UBR3: variants seen among roughly 807,000 people sequenced by gnomAD.
The protein encoded by UBR3 is E3 ubiquitin-protein ligase UBR3.
UBR3 carries 85 observed loss-of-function variants against 243.2 expected under a neutral mutation model. The ratio of observed to expected loss-of-function variants is 0.35; its 90% CI spans 0.29 to 0.42. The LOEUF (loss-of-function observed/expected upper bound fraction) is 0.42, where lower values mean the gene tolerates loss of function less well. UBR3 is among the 10% of genes least tolerant of loss of function. UBR3 has a pLI of 1.00. For missense variants in UBR3, 1,686 were observed against 2,300.8 expected (o/e 0.73, Z 5.47); for synonymous variants, 748 against 799.8 (o/e 0.94, Z 1.09).
rs968277655 is a variant in UBR3, at chr2:170,080,374, C to T, written c.5410-171C>T. On this transcript the variant is annotated intron_variant, in intron 37 of 38. Coordinates refer to ENST00000272793, the MANE Select transcript of UBR3 (RefSeq NM_172070.4). ...TTACTAGATATTCCTTACCCAAATA[C>T]CTCCTAATGTATTAATAATAAAGTG... 2.2e-5 allele frequency: 17 copies of T among 772,596 alleles called. No homozygotes were observed. The East Asian group carries it at 4.5e-4, about 20-fold the overall frequency. The allele number at this position is 772,596 out of a possible 1,614,324, so 47.9% of individuals were successfully genotyped here. A position where few individuals can be genotyped will look rare whatever the true frequency, so the allele number is the denominator to read the frequency against.
intron 31 of UBR3, among the ~76,000 whole-genome samples, chr2:170,040,606 A>G (rs554997460): frequency 9.2e-5 from 14 of 152,334 alleles, no homozygotes; most frequent in Non-Finnish European, 1.6e-4. Flanking sequence ...GTAATCTAAG[A>G]TCAGAAACAC....
In UBR3 at chr2:169,890,565, G is replaced by A. The variant is rs6759286; in HGVS notation, c.1039-600G>A. Among the ~76,000 whole-genome samples the A allele has an allele frequency of 5.8e-3, 411 of 70,598 alleles. 11 individuals are homozygous for A. Among genetic ancestry groups the A allele is most frequent in the Middle Eastern group, 0.013 (2 of 150 alleles). The allele number at this position is 70,598 out of a possible 152,430, so 46.3% of individuals were successfully genotyped here. A position where few individuals can be genotyped will look rare whatever the true frequency, so the allele number is the denominator to read the frequency against. On this transcript the variant is annotated intron_variant, in intron 5 of 38. Transcript: ENST00000272793. ...GATATATATATATATATATATATAT[G>A]TGTATATATATATATGTATATATAT... is the stretch of plus-strand genomic sequence containing the variant.
intron 5 of UBR3, 33 bp downstream of exon 5, chr2:169,878,607 T>C (rs1194010803): frequency 2.6e-6 from 4 of 1,526,260 alleles, no homozygotes; most frequent in Admixed American, 4.0e-5. Context: ...TTTTAAAAAG[T>C]ACAATTTTGT....
At chr2:169,861,226 G>A (rs575985619) in intron 1 of UBR3, among the ~76,000 whole-genome samples, 1 of 152,266 alleles carries the variant, frequency 6.6e-6, no homozygotes, top group Admixed American at 6.5e-5. Flanking sequence ...ACAATACTTC[G>A]TATCCAATCA....
intron 7 of UBR3, 72 bp downstream of exon 7, chr2:169,895,383 TG>T: frequency 6.9e-7 from 1 of 1,450,758 alleles, no homozygotes; most frequent in East Asian, 2.6e-5. Flanking sequence ...AATCTTTTTT[TG>T]ATATATTTCT....
At chr2:169,994,163 T>G (rs1354921644) in intron 25 of UBR3, among the ~76,000 whole-genome samples, 160 bp from the exon 26 acceptor site, 1 of 152,228 alleles carries the variant, frequency 6.6e-6, no homozygotes, top group Non-Finnish European at 1.5e-5. Context: ...ATTTAGCCTG[T>G]AGGAGAAAAC....
chr2:170,077,203 T>C (rs998833874), intron 36 of UBR3: 1 of 686,502 alleles, frequency 1.5e-6, no homozygotes, highest in Non-Finnish European at 2.8e-6. Flanking sequence ...TAGTCTTCAA[T>C]AAATATCTAT....
chr2:169,838,387 TTGTGTGTGTGTGTG>T (rs544974959), intron 1 of UBR3, among the ~76,000 whole-genome samples: 10,087 of 114,286 alleles, frequency 0.088, 527 homozygotes, highest in African/African-American at 0.16. Flanking sequence ...ATTAAGGCAT[TTGTGTGTGTGTGTG>T]TGTGTGTGTG....
chr2:169,886,267 G>C (rs1320157760), intron 5 of UBR3, among the ~76,000 whole-genome samples: 1 of 152,050 alleles, frequency 6.6e-6, no homozygotes, highest in Non-Finnish European at 1.5e-5. Flanking sequence ...CACATAAACT[G>C]TTGGTGGGAA....
intron 24 of UBR3, among the ~76,000 whole-genome samples, chr2:169,962,037 C>T (rs1028993987): frequency 1.3e-5 from 2 of 151,942 alleles, no homozygotes; most frequent in African/African-American, 4.8e-5. Context: ...TAATGAAAGA[C>T]GTTGTGGCTT....
chr2:169,983,821 T>C (rs1376844755), intron 24 of UBR3, among the ~76,000 whole-genome samples: 4 of 152,226 alleles, frequency 2.6e-5, no homozygotes, highest in Non-Finnish European at 4.4e-5. Flanking sequence ...TAGTTATCTT[T>C]TTTGTATTTA....
chr2:169,839,779 T>C (rs970177025), intron 1 of UBR3, among the ~76,000 whole-genome samples: 1 of 152,196 alleles, frequency 6.6e-6, no homozygotes, highest in African/African-American at 2.4e-5. Context: ...AGTGTAAAAC[T>C]CAGTAAGGCA....
chr2:170,044,178 A>G (rs1020123349), intron 32 of UBR3, among the ~76,000 whole-genome samples: 1 of 152,130 alleles, frequency 6.6e-6, no homozygotes, highest in Admixed American at 6.6e-5. Context: ...GGACAGTGTT[A>G]TTATAAACTA....
chr2:169,922,132 A>G (rs2085724596), intron 11 of UBR3, among the ~76,000 whole-genome samples: 1 of 151,844 alleles, frequency 6.6e-6, no homozygotes, highest in East Asian at 1.9e-4. Flanking sequence ...TACCAAAAAC[A>G]GAAATTAGCC....
chr2:169,965,006 G>T (rs2087743662), intron 24 of UBR3: 1 of 456,210 alleles, frequency 2.2e-6, no homozygotes, highest in African/African-American at 2.0e-5. Flanking sequence ...ATTTGTTTAT[G>T]TTGGCCATGG....
At chr2:169,946,240 C>A (rs2105359180) in intron 20 of UBR3, 48 bp from the exon 21 acceptor site, 1 of 1,109,358 alleles carries the variant, frequency 9.0e-7, no homozygotes, top group Non-Finnish European at 1.3e-6. Flanking sequence ...AATGAAATAC[C>A]TTTTGTGGAA....
intron 2 of UBR3, among the ~76,000 whole-genome samples, chr2:169,875,513 C>T (rs1574096543): frequency 6.6e-6 from 1 of 152,090 alleles, no homozygotes; most frequent in Non-Finnish European, 1.5e-5. Context: ...TATTTAAATG[C>T]TTCTTACACA....
At chr2:169,898,104 C>T (rs1289929411) in intron 8 of UBR3, among the ~76,000 whole-genome samples, 1 of 152,146 alleles carries the variant, frequency 6.6e-6, no homozygotes, top group African/African-American at 2.4e-5. Flanking sequence ...TACTTGTTGG[C>T]ACTAGGAGCT....
At chr2:169,876,075 A>G in intron 3 of UBR3, 126 bp downstream of exon 3, 1 of 846,276 alleles carries the variant, frequency 1.2e-6, no homozygotes, top group Non-Finnish European at 1.6e-6. Context: ...GAAGTTATTA[A>G]GAGAACTTCT....
Sources: gnomAD v4.1 joint callset for allele counts (sites outside exome capture counted in the v4.1 genomes callset) on GRCh38, gnomAD v4.1.1 for gene constraint, MANE v1.5 for transcripts, NCBI Gene and HGNC (gene_info 2026-07-23, HGNC 2026-07-21) for gene names.